CKAP2L: variants seen among roughly 807,000 people sequenced by gnomAD.
CKAP2L encodes cytoskeleton-associated protein 2-like.
A neutral mutation model predicts 65.7 loss-of-function variants in CKAP2L; 42 were observed. The ratio of observed to expected loss-of-function variants is 0.64; its 90% CI spans 0.50 to 0.83. The LOEUF (loss-of-function observed/expected upper bound fraction) is 0.83, where lower values mean the gene tolerates loss of function less well. Ranked by LOEUF, CKAP2L falls within the 40% of genes least tolerant of loss-of-function variation. The pLI is 0.00. For synonymous variants in CKAP2L, 325 were observed against 313.5 expected, an observed-to-expected ratio of 1.04 and a Z score of -0.39; for missense variants, 908 against 871.0, an observed-to-expected ratio of 1.04 and a Z score of -0.53.
In CKAP2L at chr2:112,764,586, C is replaced by G; in HGVS notation, c.13G>C (p.Gly5Arg). MVGP[G>R]PTAAAAVEER... The stretch of plus-strand genomic sequence containing the variant: ...CCGACAGCGGCAGCAGCGGTAGGCC[C>G]GGGCCCCACCATGACTCTTCAGTGA... Residue 5 changes from glycine (G) to arginine (R), a missense_variant, in exon 1 of 9, where the codon GGG becomes CGG. Physicochemically the swap from Gly to Arg is moderately radical, Grantham distance 125. Coordinates refer to ENST00000302450, the MANE Select transcript of CKAP2L (RefSeq NM_152515.5). The G allele has an allele frequency of 6.2e-7, 1 of 1,614,164 alleles. No individual in the cohort carries two copies. The highest frequency in any genetic ancestry group is 8.5e-7 in the Non-Finnish European group (1 of 1,180,010).
At chr2:112,742,969 T>C in intron 6 of CKAP2L, 200 bp from the exon 7 acceptor site, 1 of 554,150 alleles carries the variant, frequency 1.8e-6, no homozygotes, top group South Asian at 2.5e-5. Flanking sequence ...TGATTAAGTG[T>C]TGGCACACTC....
In CKAP2L at chr2:112,756,005, T is replaced by C. The variant is rs1470826806; in HGVS notation, c.1366A>G (p.Lys456Glu). ...VNGTQTNPNI[K>E]KKATAEDRRK... ...CGATCCTCTGCTGTTGCCTTCTTTT[T>C]AATATTTGGGTTTGTTTGGGTCCCA... The change falls in exon 4 of 9, where the codon AAA (lysine) becomes GAA (glutamate). Residue 456 changes from lysine (K) to glutamate (E), a missense_variant. Physicochemically the swap from Lys to Glu is moderately conservative, Grantham distance 56. Transcript: ENST00000302450. 5.7e-6 allele frequency: 9 copies of C among 1,590,582 alleles called. No individual in the cohort carries two copies. The highest frequency in any genetic ancestry group is 7.7e-6 in the Non-Finnish European group (9 of 1,171,536).
At chr2:112,748,278 CAG>C (rs1265536322) in intron 5 of CKAP2L, among the ~76,000 whole-genome samples, 3 of 151,962 alleles carry the variant, frequency 2.0e-5, no homozygotes, top group Non-Finnish European at 4.4e-5. Flanking sequence ...TACAAGCTTC[CAG>C]AGAGGGGGAA....
At chr2:112,761,615 T>C (rs1680726634) in intron 2 of CKAP2L, among the ~76,000 whole-genome samples, 1 of 149,204 alleles carries the variant, frequency 6.7e-6, no homozygotes, top group East Asian at 2.0e-4. Flanking sequence ...GAAAAAGGAT[T>C]GGAAAACAGA....
intron 7 of CKAP2L, among the ~76,000 whole-genome samples, chr2:112,741,907 C>T (rs574679890): frequency 1.4e-4 from 21 of 150,696 alleles, no homozygotes; most frequent in East Asian, 1.2e-3. Flanking sequence ...ATTACAAGCA[C>T]GCACCACCAC....
chr2:112,754,831 C>T (rs1443716278), intron 4 of CKAP2L, among the ~76,000 whole-genome samples: 3 of 152,232 alleles, frequency 2.0e-5, no homozygotes, highest in Non-Finnish European at 4.4e-5. Flanking sequence ...GGTCTCTGCA[C>T]TCACTTCTCT....
In CKAP2L at chr2:112,736,709, C is replaced by T. The variant is rs1372556720; in HGVS notation, c.*2114G>A. 6.6e-6 allele frequency: 1 copy of T among 152,164 alleles called. No homozygotes were observed. The highest frequency in any genetic ancestry group is 2.4e-5 in the African/African-American group (1 of 41,436). 9.4% of individuals were successfully genotyped at this position (152,164 alleles called of 1,614,324 possible). On this transcript the variant is annotated 3_prime_UTR_variant, in exon 9 of 9. Transcript: ENST00000302450. ...ATGCAGTATTTTTCCTTGGGTCTGGCTTATTTCACTTAGCATAATGTTCTC... is the reference window on the plus strand; with the variant it reads ...ATGCAGTATTTTTCCTTGGGTCTGGTTTATTTCACTTAGCATAATGTTCTC...
chr2:112,763,665 A>ACAC (rs1278650124), intron 1 of CKAP2L: 1 of 152,170 alleles, frequency 6.6e-6, no homozygotes, highest in Non-Finnish European at 1.5e-5. Flanking sequence ...AATGATGTGA[A>ACAC]GGAAGACAAA....
intron 2 of CKAP2L, 115 bp downstream of exon 2, chr2:112,762,388 A>C (rs1312562819): frequency 1.3e-6 from 1 of 759,046 alleles, no homozygotes; most frequent in Non-Finnish European, 2.3e-6. Flanking sequence ...TTATCATAGA[A>C]TCCCAGTGCA....
In CKAP2L at chr2:112,757,029, A is replaced by C. The variant is rs1259373003; in HGVS notation, c.342T>G (p.Ser114=). The C allele has an allele frequency of 2.5e-6, 4 of 1,614,208 alleles. No homozygotes were observed. The highest frequency in any genetic ancestry group is 2.5e-6 in the Non-Finnish European group (3 of 1,180,028). The change falls in exon 4 of 9, where the codon TCT becomes TCG. Residue 114 remains serine (S), a synonymous_variant. Transcript: ENST00000302450. The stretch of plus-strand genomic sequence containing the variant: ...GTTGAAAACTCTTGCTAGAAGGCTT[A>C]GAGTATGGGTTAGAAGAAACACATT... ...TSECVSSNPY[S]KPSSKSFQQC...
At chr2:112,739,075 A>T in intron 8 of CKAP2L, 27 bp from the exon 9 acceptor site, 4 of 1,502,140 alleles carry the variant, frequency 2.7e-6, no homozygotes, top group Non-Finnish European at 3.7e-6. Flanking sequence ...GATGCATTAA[A>T]AACCTTATCA....
In CKAP2L at chr2:112,752,333, TTTC is replaced by T; in HGVS notation, c.1533_1535del (p.Lys512del). Reference sequence around the variant, plus strand: ...TTTTACTGGACAGTTCGAGTTGTGCTTTCTTTTCTTCCTCTTCTTTTTCAATGC... The same window carrying T: ...TTTTACTGGACAGTTCGAGTTGTGCTTTTTCTTCCTCTTCTTTTTCAATGC... On this transcript the variant is annotated inframe_deletion, in exon 5 of 9. Transcript: ENST00000302450. 1.2e-6 allele frequency: 2 copies of T among 1,613,984 alleles called. No homozygotes were observed. Among genetic ancestry groups the T allele is most frequent in the Non-Finnish European group, 1.7e-6 (2 of 1,179,874 alleles).
In CKAP2L at chr2:112,756,650, C is replaced by A. The variant is rs966834130; in HGVS notation, c.721G>T (p.Val241Phe). The stretch of plus-strand genomic sequence containing the variant: ...GTTTCTCCAACAAATTGTTTATTAA[C>A]CCTATCTTTCAGAACAGCACTATTA... ...SVNSAVLKDR[V>F]NKQFVGETQS... Residue 241 changes from valine (V) to phenylalanine (F), a missense_variant, in exon 4 of 9, where the codon GTT becomes TTT. By Grantham distance (50) the Val-to-Phe change is conservative. Transcript: ENST00000302450. 1 of 1,607,458 alleles carries A rather than the reference C, an allele frequency of 6.2e-7. No individual in the cohort carries two copies. The highest frequency in any genetic ancestry group is 2.2e-5 in the East Asian group (1 of 44,862).
At chr2:112,745,989 G>A (rs999140585) in intron 6 of CKAP2L, among the ~76,000 whole-genome samples, 5 of 152,084 alleles carry the variant, frequency 3.3e-5, no homozygotes, top group Non-Finnish European at 7.4e-5. Flanking sequence ...GGGAGGGAAG[G>A]AAGGCAGAGG....
chr2:112,756,651 C>T lies in CKAP2L; in HGVS notation c.720G>A (p.Arg240=), dbSNP rs1680550225. ...SSVNSAVLKD[R]VNKQFVGETQ... ...TTTCTCCAACAAATTGTTTATTAACCCTATCTTTCAGAACAGCACTATTAA... is the reference window on the plus strand; with the variant it reads ...TTTCTCCAACAAATTGTTTATTAACTCTATCTTTCAGAACAGCACTATTAA... The change falls in exon 4 of 9, where the codon AGG becomes AGA. Residue 240 remains arginine, a synonymous_variant. Transcript: ENST00000302450. 1 of 1,607,160 alleles carries T rather than the reference C, an allele frequency of 6.2e-7. No homozygotes were observed. The highest frequency in any genetic ancestry group is 1.3e-5 in the African/African-American group (1 of 74,392).
intron 7 of CKAP2L, chr2:112,742,464 T>C (rs1214452877): frequency 5.6e-6 from 4 of 717,838 alleles, no homozygotes; most frequent in Non-Finnish European, 1.0e-5. Context: ...TCCAAGGAAG[T>C]GGGACACTCC....
chr2:112,756,135 C>A lies in CKAP2L; in HGVS notation c.1236G>T (p.Gln412His), dbSNP rs747020468. 2.9e-5 allele frequency: 47 copies of A among 1,613,940 alleles called. No individual in the cohort carries two copies. Among genetic ancestry groups the A allele is most frequent in the Non-Finnish European group, 5.1e-6 (6 of 1,180,014 alleles). ...TGGAGTCCAAAGTCTGTGCTTTTTG[C>A]TGAAAGCCATTATTGTTATGTTTAT... ...SGNKHNNNGFQQKAQTLDSKL... is the reference protein window; with the variant it reads ...SGNKHNNNGFHQKAQTLDSKL... Residue 412 changes from glutamine to histidine, a missense_variant, in exon 4 of 9, where the codon CAG becomes CAT. By Grantham distance (24) the Gln-to-His change is conservative. Coordinates refer to ENST00000302450, the MANE Select transcript of CKAP2L (RefSeq NM_152515.5).
intron 3 of CKAP2L, 26 bp from the exon 4 acceptor site, chr2:112,757,240 T>C (rs765147122): frequency 6.8e-7 from 1 of 1,462,066 alleles, no homozygotes; most frequent in Non-Finnish European, 9.3e-7. Context: ...AAATACATAT[T>C]AAAAAATCCT....
In CKAP2L at chr2:112,747,412, G is replaced by A. The variant is rs368015160; in HGVS notation, c.1603-837C>T. Among the ~76,000 whole-genome samples the A allele has an allele frequency of 3.3e-5, 5 of 152,166 alleles. No homozygotes were observed. In the East Asian group the frequency reaches 5.8e-4, roughly 18 times the overall value. On this transcript the variant is annotated intron_variant, in intron 5 of 8. Transcript: ENST00000302450. ...CATAATATTCCATATTTATAATAACGAGAACACTGAGTAGTGATGAGAATT... is the reference window on the plus strand; with the variant it reads ...CATAATATTCCATATTTATAATAACAAGAACACTGAGTAGTGATGAGAATT...
Sources: allele counts gnomAD v4.1 joint callset (sites outside exome capture counted in the v4.1 genomes callset), GRCh38; gene constraint gnomAD v4.1.1; transcripts MANE v1.5; gene names NCBI Gene and HGNC (gene_info 2026-07-23, HGNC 2026-07-21).